The following EXOC6 variants were observed in gnomAD, a reference collection of about 807,000 sequenced individuals.
EXOC6 encodes the protein exocyst complex component 6, also known as SEC15-like 1.
In EXOC6, 60 loss-of-function variants were observed where a neutral mutation model predicts 112.5. The observed-to-expected ratio is 0.53, with a 90% CI of 0.43 to 0.66. The LOEUF (loss-of-function observed/expected upper bound fraction) is 0.66, where lower values mean the gene tolerates loss of function less well. Among genes scored for constraint, EXOC6 ranks in the 30% least tolerant of loss-of-function variants. The pLI, the probability that EXOC6 is intolerant of heterozygous loss-of-function variation, is 0.00. For synonymous variants in EXOC6, 295 were observed against 308.0 expected, an observed-to-expected ratio of 0.96 and a Z score of 0.44; for missense variants, 855 against 957.1, an observed-to-expected ratio of 0.89 and a Z score of 1.41.
At chr10:92,834,885 T>G in intron 1 of EXOC6, 1 of 961,348 alleles carries the variant, frequency 1.0e-6, no homozygotes, top group Non-Finnish European at 1.6e-6. Flanking sequence ...TCCTTTACCC[T>G]GCTTTTTATA....
intron 5 of EXOC6, among the ~76,000 whole-genome samples, chr10:92,902,403 C>A (rs893717566): frequency 6.6e-6 from 1 of 151,996 alleles, no homozygotes; most frequent in African/African-American, 2.4e-5. Context: ...ATTTTAAAAT[C>A]TCTTTGTCTG....
Position 92,884,243 on chromosome 10 carries a change from C to T in EXOC6, c.102-9106C>T, listed in dbSNP as rs138015862. 2.5e-3 allele frequency among the ~76,000 whole-genome samples: 387 copies of T among 152,246 alleles called. 1 individual carries two copies. The highest frequency in any genetic ancestry group is 3.5e-3 in the Non-Finnish European group (238 of 68,018). ...AAAGGTTTGTAGAAAGCTTTGACAC[C>T]AAAAGGTGTCAGTTGACACAAGCAG... On this transcript the variant is annotated intron_variant, in intron 1 of 21. Transcript: ENST00000260762.
At chr10:92,883,428 G>GA (rs1849059480) in intron 1 of EXOC6, among the ~76,000 whole-genome samples, 1 of 152,008 alleles carries the variant, frequency 6.6e-6, no homozygotes, top group Non-Finnish European at 1.5e-5. Flanking sequence ...TTAATATTCA[G>GA]AAAAATATAG....
chr10:93,024,637 C>T (rs1005356585), intron 20 of EXOC6, among the ~76,000 whole-genome samples: 2 of 152,092 alleles, frequency 1.3e-5, no homozygotes, highest in Non-Finnish European at 2.9e-5. Context: ...AGGCTGGTTG[C>T]GAACTCCTGA....
chr10:93,040,898 T>C (rs1015895553), intron 20 of EXOC6, among the ~76,000 whole-genome samples: 8 of 152,196 alleles, frequency 5.3e-5, no homozygotes, highest in African/African-American at 1.7e-4. Context: ...AATGTTGGTT[T>C]CCCCAAGGTT....
In EXOC6 at chr10:92,974,191, A is replaced by G. The variant is rs2134088584; in HGVS notation, c.1912A>G (p.Asn638Asp). ...RASGYLMDLI[N>D]FLRSIFQVFT... ...TAGTGGTTATTTAATGGACCTTATA[A>G]ATTTTTTGAGAAGCATCTTTCAAGT... is the stretch of plus-strand genomic sequence containing the variant. The change falls in exon 18 of 22, where the codon AAT becomes GAT. Residue 638 changes from asparagine (N) to aspartate (D), a missense_variant. By Grantham distance (23) the Asn-to-Asp change is conservative. This residue lies in a region of EXOC6 where 450 missense variants were observed against 563.5 expected (regional missense o/e 0.80). Coordinates refer to ENST00000260762, the MANE Select transcript of EXOC6 (RefSeq NM_019053.6). 6.3e-7 allele frequency: 1 copy of G among 1,579,224 alleles called. No individual in the cohort carries two copies. Among genetic ancestry groups the G allele is most frequent in the Non-Finnish European group, 8.5e-7 (1 of 1,171,726 alleles).
chr10:92,956,666 G>C (rs1185367158), intron 17 of EXOC6, among the ~76,000 whole-genome samples: 1 of 152,010 alleles, frequency 6.6e-6, no homozygotes, highest in East Asian at 1.9e-4. Context: ...CAATACATAA[G>C]ACACAAATGC....
chr10:92,844,678 T>G (rs1034034568), upstream of EXOC6, among the ~76,000 whole-genome samples: 3 of 152,162 alleles, frequency 2.0e-5, no homozygotes, highest in Non-Finnish European at 2.9e-5. Flanking sequence ...CTCTCTGGCT[T>G]ACTAGCAAAT....
At chr10:92,995,268 C>T (rs1236634301) in intron 18 of EXOC6, among the ~76,000 whole-genome samples, 1 of 151,958 alleles carries the variant, frequency 6.6e-6, no homozygotes, top group Non-Finnish European at 1.5e-5. Context: ...TCTGGAATAG[C>T]CTGTGTCTAC....
At chr10:92,888,188 T>C (rs1333502747) in intron 1 of EXOC6, among the ~76,000 whole-genome samples, 1 of 152,202 alleles carries the variant, frequency 6.6e-6, no homozygotes, top group African/African-American at 2.4e-5. Context: ...TTTACCCCTC[T>C]CAGGCTTTGG....
chr10:92,831,154 A>G (rs1030859694), upstream of EXOC6, among the ~76,000 whole-genome samples: 4 of 152,112 alleles, frequency 2.6e-5, no homozygotes, highest in Non-Finnish European at 5.9e-5. Context: ...AGAAGAAAGT[A>G]AGAGGCAGAC....
At chr10:92,941,696 A>G (rs1589874245) in intron 13 of EXOC6, among the ~76,000 whole-genome samples, 2 of 152,336 alleles carry the variant, frequency 1.3e-5, no homozygotes, top group African/African-American at 4.8e-5. Flanking sequence ...TGTTTTTACA[A>G]ATAAAATAAC....
chr10:92,966,284 T>TATTATA (rs1842046859), intron 17 of EXOC6, among the ~76,000 whole-genome samples: 1 of 142,644 alleles, frequency 7.0e-6, no homozygotes, highest in African/African-American at 2.5e-5. Context: ...TAATTATAAT[T>TATTATA]ATTATTATTA....
chr10:93,004,373 A>T (rs1843886934), intron 19 of EXOC6, among the ~76,000 whole-genome samples: 1 of 152,196 alleles, frequency 6.6e-6, no homozygotes, highest in South Asian at 2.1e-4. Context: ...AACTCTCTGT[A>T]ACCAACACTG....
intron 1 of EXOC6, among the ~76,000 whole-genome samples, chr10:92,864,028 A>G (rs1454669743): frequency 2.6e-5 from 4 of 152,120 alleles, no homozygotes; most frequent in Non-Finnish European, 5.9e-5. Context: ...GAATCATTTA[A>G]AAATAAACAT....
intron 18 of EXOC6, among the ~76,000 whole-genome samples, chr10:92,975,798 T>C (rs1449357077): frequency 2.1e-5 from 2 of 97,306 alleles, no homozygotes; most frequent in African/African-American, 4.1e-5. Flanking sequence ...GGTGGGGGGG[T>C]CAGCCCCCGC....
chr10:92,971,207 C>T (rs1842280826), intron 17 of EXOC6, among the ~76,000 whole-genome samples: 1 of 151,022 alleles, frequency 6.6e-6, no homozygotes, highest in Admixed American at 6.6e-5. Context: ...GCAGGCCTGG[C>T]TAATTTTTTT....
At chr10:92,922,370 GGT>G (rs969305344) in intron 8 of EXOC6, among the ~76,000 whole-genome samples, 1 of 152,130 alleles carries the variant, frequency 6.6e-6, no homozygotes, top group African/African-American at 2.4e-5. Flanking sequence ...TGCAAAATAT[GGT>G]TAACAATTTC....
intron 1 of EXOC6, among the ~76,000 whole-genome samples, chr10:92,860,908 A>G (rs892700860): frequency 1.3e-5 from 2 of 151,668 alleles, no homozygotes; most frequent in African/African-American, 4.9e-5. Flanking sequence ...ATAATGCTGC[A>G]GTGAACATGG....
Sources: allele counts gnomAD v4.1 joint callset (sites outside exome capture counted in the v4.1 genomes callset), GRCh38; gene constraint gnomAD v4.1.1; regional missense constraint gnomAD v4.1.1; transcripts MANE v1.5; gene names NCBI Gene and HGNC (gene_info 2026-07-23, HGNC 2026-07-21).